XPO6: variants seen among roughly 807,000 people sequenced by gnomAD.
The protein encoded by XPO6 is exportin-6.
A neutral mutation model predicts 130.0 loss-of-function variants in XPO6; 3 were observed. That is an observed-to-expected ratio of 0.02 (90% CI 0.01 to 0.06). The LOEUF (loss-of-function observed/expected upper bound fraction) is 0.06, where lower values mean the gene tolerates loss of function less well. XPO6 is among the 10% of genes least tolerant of loss of function. XPO6 has a pLI of 1.00. For missense variants in XPO6, 970 were observed against 1,393.0 expected (o/e 0.70, Z 4.83); for synonymous variants, 524 against 548.9 (o/e 0.95, Z 0.63).
chr16:28,170,309 G>A (rs1365565755), intron 4 of XPO6, among the ~76,000 whole-genome samples: 2 of 142,176 alleles, frequency 1.4e-5, no homozygotes, highest in African/African-American at 2.7e-5. Context: ...TCCAGCCTGG[G>A]CACCGAGAGC....
At chr16:28,102,006 C>T in intron 21 of XPO6, 61 bp from the exon 22 acceptor site, 1 of 1,435,220 alleles carries the variant, frequency 7.0e-7, no homozygotes, top group Non-Finnish European at 9.7e-7. Flanking sequence ...AGCATCTACC[C>T]CATGTCAGAA....
intron 10 of XPO6, among the ~76,000 whole-genome samples, chr16:28,134,659 T>TC (rs2042741149): frequency 6.6e-6 from 1 of 152,216 alleles, no homozygotes; most frequent in African/African-American, 2.4e-5. Context: ...AGCAGTTATT[T>TC]GAAAAATTTT....
intron 2 of XPO6, among the ~76,000 whole-genome samples, chr16:28,177,928 G>A (rs1042692347): frequency 2.6e-5 from 4 of 152,208 alleles, no homozygotes; most frequent in Admixed American, 6.5e-5. Context: ...CAAGAGCAAC[G>A]ATGACGAGTG....
At chr16:28,194,794 C>T (rs141066317) in intron 1 of XPO6, among the ~76,000 whole-genome samples, 8 of 152,146 alleles carry the variant, frequency 5.3e-5, no homozygotes, top group Non-Finnish European at 7.4e-5. Flanking sequence ...GTCTTTGCTA[C>T]CTGACCACCA....
chr16:28,101,154 G>A lies in XPO6; in HGVS notation c.3276+304C>T. On this transcript the variant is annotated intron_variant, in intron 23 of 23. Transcript: ENST00000304658. This position sits in a 1 kb window ranked among gnomAD's most constrained non-coding sequence, Gnocchi z 5.4. ...GGCTCATCACCCAGGAGGGAGAACG[G>A]CAGGGTCCTGGGTATGAACAAAGAT... is the stretch of plus-strand genomic sequence containing the variant. The A allele has an allele frequency of 2.2e-6, 1 of 455,938 alleles. No individual in the cohort carries two copies. Among genetic ancestry groups the A allele is most frequent in the Non-Finnish European group, 4.1e-6 (1 of 244,590 alleles). The allele number at this position is 455,938 out of a possible 1,614,324, so 28.2% of individuals were successfully genotyped here.
intron 3 of XPO6, among the ~76,000 whole-genome samples, chr16:28,176,659 G>A (rs1012025101): frequency 5.3e-5 from 8 of 151,408 alleles, no homozygotes; most frequent in Non-Finnish European, 8.8e-5. Flanking sequence ...CACCACGCCC[G>A]GCTAATTTTT....
At chr16:28,161,858 G>C (rs759262355) in intron 6 of XPO6, among the ~76,000 whole-genome samples, 12 of 152,016 alleles carry the variant, frequency 7.9e-5, no homozygotes, top group African/African-American at 1.5e-4. Flanking sequence ...CAAAAACCAA[G>C]TTAACTGGAA....
intron 1 of XPO6, among the ~76,000 whole-genome samples, chr16:28,189,796 A>G (rs1362300975): frequency 1.3e-5 from 2 of 152,220 alleles, no homozygotes; most frequent in Non-Finnish European, 2.9e-5. Context: ...TTAATATTTG[A>G]TTAAAACATA....
rs1170349912 is a variant in XPO6, at chr16:28,211,484, G to A, written c.-116C>T. The A allele has an allele frequency of 8.3e-7, 1 of 1,204,928 alleles. No individual in the cohort carries two copies. Among genetic ancestry groups the A allele is most frequent in the Non-Finnish European group, 1.1e-6 (1 of 939,258 alleles). 74.6% of individuals were successfully genotyped at this position (1,204,928 alleles called of 1,614,324 possible). ...TCGGGAAGTCCCCCACCCATGCAAA[G>A]ACAACCCCTTCCCCACCGGGCCCCG... On this transcript the variant is annotated 5_prime_UTR_variant, in exon 1 of 24. Transcript: ENST00000304658.
intron 21 of XPO6, among the ~76,000 whole-genome samples, chr16:28,103,355 T>C (rs2086693766): frequency 6.6e-6 from 1 of 152,196 alleles, no homozygotes; most frequent in Non-Finnish European, 1.5e-5. Flanking sequence ...GCCAGTCCCT[T>C]AGAGGCATGC....
chr16:28,127,483 T>C (rs2042582722), intron 12 of XPO6, among the ~76,000 whole-genome samples: 1 of 152,072 alleles, frequency 6.6e-6, no homozygotes, highest in South Asian at 2.1e-4. Context: ...AATGTATGAA[T>C]GATTTAGATG....
intron 13 of XPO6, among the ~76,000 whole-genome samples, chr16:28,125,064 C>A (rs1483405181): frequency 6.6e-6 from 1 of 152,176 alleles, no homozygotes. Context: ...ATCAAGTGTT[C>A]CTCAACAAGT....
chr16:28,187,961 G>C (rs991619640), intron 1 of XPO6, among the ~76,000 whole-genome samples: 7 of 152,028 alleles, frequency 4.6e-5, no homozygotes, highest in Admixed American at 2.0e-4. Flanking sequence ...GGATAATAAG[G>C]TGCTTTTCCC....
intron 7 of XPO6, 47 bp from the exon 8 acceptor site, chr16:28,152,832 C>T (rs1365157714): frequency 6.3e-6 from 10 of 1,587,814 alleles, no homozygotes; most frequent in Non-Finnish European, 8.5e-6. Flanking sequence ...CCAGCCACCT[C>T]CTTAGAACTT....
intron 6 of XPO6, among the ~76,000 whole-genome samples, chr16:28,164,338 A>G (rs940203431): frequency 1.3e-5 from 2 of 152,244 alleles, no homozygotes; most frequent in Non-Finnish European, 2.9e-5. Flanking sequence ...TTAAGCGCAC[A>G]AAGACAGTTG....
chr16:28,170,210 C>T (rs1012589681), intron 4 of XPO6, among the ~76,000 whole-genome samples: 1 of 151,472 alleles, frequency 6.6e-6, no homozygotes, highest in East Asian at 2.0e-4. Flanking sequence ...TGCATGCCTA[C>T]AATCCCAGCT....
intron 9 of XPO6, among the ~76,000 whole-genome samples, chr16:28,140,398 A>G (rs765807684): frequency 8.6e-5 from 13 of 151,154 alleles, no homozygotes; most frequent in Non-Finnish European, 1.3e-4. Context: ...TTTGAAGGAT[A>G]GCCGGGCGTG....
chr16:28,197,846 G>C (rs2043889890), intron 1 of XPO6, among the ~76,000 whole-genome samples: 1 of 148,388 alleles, frequency 6.7e-6, no homozygotes, highest in South Asian at 2.1e-4. Flanking sequence ...TTGAACCCGG[G>C]AGGCGGAGGT....
chr16:28,184,612 A>G (rs965593695), intron 1 of XPO6, among the ~76,000 whole-genome samples: 14 of 152,236 alleles, frequency 9.2e-5, no homozygotes, highest in African/African-American at 3.4e-4. Context: ...AAAAAAAAAA[A>G]AAGACAAAGG....
Sources: allele counts gnomAD v4.1 joint callset (sites outside exome capture counted in the v4.1 genomes callset), GRCh38; gene constraint gnomAD v4.1.1; non-coding constraint Gnocchi (gnomAD v3.1); transcripts MANE v1.5; gene names NCBI Gene and HGNC (gene_info 2026-07-23, HGNC 2026-07-21).